PIP5K1B: variants seen among roughly 807,000 people sequenced by gnomAD.
PIP5K1B encodes phosphatidylinositol 4-phosphate 5-kinase type-1 beta.
Under a neutral mutation model 67.0 loss-of-function variants are expected in PIP5K1B, and 42 were observed. That is an observed-to-expected ratio of 0.63 (90% confidence interval 0.49 to 0.81). PIP5K1B has a LOEUF of 0.81. Among genes scored for constraint, PIP5K1B ranks in the 30% least tolerant of loss-of-function variants. The probability of loss-of-function intolerance (pLI) is 0.00; values close to 1 mark genes in which losing one functional copy is unlikely to be tolerated. For missense variants in PIP5K1B, 459 were observed against 646.3 expected (o/e 0.71, Z 3.14); for synonymous variants, 214 against 231.4 (o/e 0.92, Z 0.68).
chr9:68,996,243 C>T (rs1389664426), intron 15 of PIP5K1B, among the ~76,000 whole-genome samples: 1 of 152,152 alleles, frequency 6.6e-6, no homozygotes, highest in African/African-American at 2.4e-5. Context: ...TTTCCTGTAA[C>T]TCAACATGAA....
intron 2 of PIP5K1B, among the ~76,000 whole-genome samples, chr9:68,765,105 A>T (rs1158908015): frequency 5.9e-5 from 9 of 152,158 alleles, no homozygotes; most frequent in Middle Eastern, 3.4e-3. Flanking sequence ...CTGTTTTTTT[A>T]AAAAAGTGAG....
chr9:68,749,554 T>C (rs1327510347), intron 2 of PIP5K1B, among the ~76,000 whole-genome samples: 1 of 152,228 alleles, frequency 6.6e-6, no homozygotes, highest in Non-Finnish European at 1.5e-5. Flanking sequence ...AGGAAGTGAA[T>C]GCACTTCTCT....
intron 11 of PIP5K1B, among the ~76,000 whole-genome samples, chr9:68,920,357 G>GAC (rs1826306437): frequency 1.3e-5 from 1 of 79,122 alleles, no homozygotes; most frequent in African/African-American, 4.6e-5. Context: ...GCCTGAGGTT[G>GAC]TCTTTTTTTT....
chr9:68,908,610 A>T (rs1825725522), intron 8 of PIP5K1B, among the ~76,000 whole-genome samples: 1 of 152,186 alleles, frequency 6.6e-6, no homozygotes, highest in African/African-American at 2.4e-5. Context: ...TCATTATGAC[A>T]TTAGCAAAGA....
chr9:68,724,253 T>G (rs1828047459), intron 1 of PIP5K1B, among the ~76,000 whole-genome samples: 1 of 151,730 alleles, frequency 6.6e-6, no homozygotes, highest in Non-Finnish European at 1.5e-5. Context: ...TTTTTTTTGT[T>G]TTTTGTTTTA....
intron 2 of PIP5K1B, chr9:68,782,726 G>T (rs995448062): frequency 8.4e-5 from 14 of 167,066 alleles, no homozygotes; most frequent in Admixed American, 3.9e-4. Flanking sequence ...TCCCATTCTC[G>T]ACCCTGTTGT....
chr9:68,777,677 G>T (rs932291002), intron 2 of PIP5K1B, among the ~76,000 whole-genome samples: 2 of 152,082 alleles, frequency 1.3e-5, no homozygotes, highest in Non-Finnish European at 2.9e-5. Flanking sequence ...TTTATTTTGT[G>T]GGCTCATCAC....
chr9:68,864,499 T>C (rs529916465), intron 5 of PIP5K1B, among the ~76,000 whole-genome samples: 2 of 152,356 alleles, frequency 1.3e-5, no homozygotes, highest in South Asian at 2.1e-4. Flanking sequence ...GTTACCCATA[T>C]ATGTTGTCTC....
rs1399239280 is a variant in PIP5K1B at position 68,917,655 on chromosome 9, T to A, written c.879T>A (p.Asp293Glu). 1 of 1,614,006 alleles carries A rather than the reference T, an allele frequency of 6.2e-7. No homozygotes were observed. Among genetic ancestry groups the A allele is most frequent in the African/African-American group, 1.3e-5 (1 of 74,934 alleles). ...KEEETPQNVP[D>E]AKRTGMQKVL... ...AGGAGACCCCACAAAATGTGCCTGA[T>A]GCTAAGCGGACTGGGATGCAGAAGG... The change falls in exon 9 of 16, where the codon GAT (aspartate) becomes GAA (glutamate). Residue 293 changes from aspartate (D) to glutamate (E), a missense_variant. Asp to Glu is a conservative substitution (Grantham distance 45, BLOSUM62 2). This residue lies in a region of PIP5K1B where 290 missense variants were observed against 474.4 expected (regional missense o/e 0.61). Transcript: ENST00000265382.
At chr9:68,716,945 G>A (rs1827662798) in intron 1 of PIP5K1B, among the ~76,000 whole-genome samples, 1 of 152,156 alleles carries the variant, frequency 6.6e-6, no homozygotes, top group Non-Finnish European at 1.5e-5. Context: ...TAGCATAATG[G>A]ATGCACCTGG....
chr9:68,904,626 G>T (rs1825518957), intron 8 of PIP5K1B, among the ~76,000 whole-genome samples: 3 of 152,178 alleles, frequency 2.0e-5, no homozygotes, highest in South Asian at 2.1e-4. Flanking sequence ...GTTACAGGGG[G>T]GTTGATTGTT....
intron 15 of PIP5K1B, among the ~76,000 whole-genome samples, chr9:68,992,337 C>T (rs987498764): frequency 3.3e-5 from 5 of 152,154 alleles, no homozygotes; most frequent in African/African-American, 1.2e-4. Context: ...TTTGCTAAAC[C>T]TGAGCCAATA....
At chr9:69,000,516 G>T (rs1161431448) in intron 15 of PIP5K1B, among the ~76,000 whole-genome samples, 1 of 152,144 alleles carries the variant, frequency 6.6e-6, no homozygotes, top group Non-Finnish European at 1.5e-5. Flanking sequence ...CAAGGTGTTG[G>T]CAGGGTGGAT....
chr9:68,783,575 A>G (rs1831427857), intron 2 of PIP5K1B: 2 of 166,894 alleles, frequency 1.2e-5, no homozygotes, highest in South Asian at 4.1e-4. Context: ...ATTTCCATGT[A>G]TATATGTATA....
chr9:68,712,814 A>G (rs1475181745), intron 1 of PIP5K1B, among the ~76,000 whole-genome samples: 1 of 152,270 alleles, frequency 6.6e-6, no homozygotes, highest in Admixed American at 6.5e-5. Context: ...AATGAATAGT[A>G]GTGAACAAAG....
At chr9:68,799,519 G>A (rs1832477785) in intron 2 of PIP5K1B, among the ~76,000 whole-genome samples, 1 of 152,136 alleles carries the variant, frequency 6.6e-6, no homozygotes, top group Admixed American at 6.5e-5. Context: ...AAACAAAAGA[G>A]TATGGCACTC....
At chr9:68,929,163 TAA>T (rs60505568) in intron 12 of PIP5K1B, among the ~76,000 whole-genome samples, 66,838 of 101,728 alleles carry the variant, frequency 0.66, 22,553 homozygotes, top group Admixed American at 0.76. Flanking sequence ...AGACTCTATC[TAA>T]AAAAAAAAAA....
At chr9:68,736,947 C>G (rs942010307) in intron 1 of PIP5K1B, among the ~76,000 whole-genome samples, 3 of 152,102 alleles carry the variant, frequency 2.0e-5, no homozygotes, top group African/African-American at 7.2e-5. Context: ...TTAACCATTC[C>G]CATTGTTGAA....
chr9:68,748,707 C>T (rs975899937), intron 2 of PIP5K1B, among the ~76,000 whole-genome samples: 4 of 151,200 alleles, frequency 2.6e-5, no homozygotes, highest in Admixed American at 6.6e-5. Flanking sequence ...CTGCAACCTC[C>T]GCCTCCCAGG....
Sources: gnomAD v4.1 joint callset for allele counts (sites outside exome capture counted in the v4.1 genomes callset) on GRCh38, gnomAD v4.1.1 for gene constraint, gnomAD v4.1.1 regional missense constraint, MANE v1.5 for transcripts, NCBI Gene and HGNC (gene_info 2026-07-23, HGNC 2026-07-21) for gene names.